KCNG3: variants seen among roughly 807,000 people sequenced by gnomAD.
KCNG3 encodes the protein potassium voltage-gated channel modifier subfamily G member 3, also known as voltage-gated potassium channel regulatory subunit KCNG3.
In KCNG3, 15 loss-of-function variants were observed where a neutral mutation model predicts 29.0. That is an observed-to-expected ratio of 0.52 (90% CI 0.35 to 0.80). The LOEUF (loss-of-function observed/expected upper bound fraction) is 0.80. KCNG3 is among the 30% of genes least tolerant of loss of function. The pLI is 0.01. For synonymous variants in KCNG3, 322 were observed against 248.9 expected (o/e 1.29, Z -2.76); for missense variants, 512 against 605.7 (o/e 0.85, Z 1.62).
At chr2:42,395,562 C>G in the KCNG3 span, among the ~76,000 whole-genome samples, 1 of 152,142 alleles carries the variant, frequency 6.6e-6, no homozygotes, top group Non-Finnish European at 1.5e-5. Context: ...GGACAATGTC[C>G]TTATTTATTG....
At chr2:42,408,247 G>A in the KCNG3 span, among the ~76,000 whole-genome samples, 1 of 152,194 alleles carries the variant, frequency 6.6e-6, no homozygotes, top group Admixed American at 6.5e-5. Context: ...GTAAGAGGGC[G>A]AGTCCCCGGT....
At chr2:42,455,307 A>G (rs1305092906) in intron 1 of KCNG3, among the ~76,000 whole-genome samples, 1 of 152,092 alleles carries the variant, frequency 6.6e-6, no homozygotes, top group Non-Finnish European at 1.5e-5. Flanking sequence ...GGTCAATGGA[A>G]AAACAAAAAC....
chr2:42,419,362 C>G, the KCNG3 span, among the ~76,000 whole-genome samples: 1 of 150,522 alleles, frequency 6.6e-6, no homozygotes, highest in African/African-American at 2.4e-5. Context: ...CTCAGCCTCC[C>G]AAGTAGCTGG....
At chr2:42,485,286 T>C (rs902732978) in intron 1 of KCNG3, among the ~76,000 whole-genome samples, 2 of 152,126 alleles carry the variant, frequency 1.3e-5, no homozygotes, top group Non-Finnish European at 2.9e-5. Context: ...ATAGCAAGAC[T>C]TTGCCTGCTA....
At chr2:42,457,850 G>C (rs1036183278) in intron 1 of KCNG3, among the ~76,000 whole-genome samples, 1 of 151,952 alleles carries the variant, frequency 6.6e-6, no homozygotes, top group Non-Finnish European at 1.5e-5. Flanking sequence ...GCCAGGTGTG[G>C]TGTCACGCAC....
the KCNG3 span, among the ~76,000 whole-genome samples, chr2:42,423,721 T>G: frequency 1.3e-5 from 2 of 151,256 alleles, no homozygotes; most frequent in African/African-American, 4.9e-5. Context: ...CTGGTCACTT[T>G]CCCCCAAGAG....
chr2:42,459,073 G>A (rs1447922194), intron 1 of KCNG3, among the ~76,000 whole-genome samples: 2 of 152,044 alleles, frequency 1.3e-5, no homozygotes, highest in African/African-American at 2.4e-5. Context: ...GCACACGCCT[G>A]TAATCCCAGA....
chr2:42,468,755 C>T (rs1668475700), intron 1 of KCNG3, among the ~76,000 whole-genome samples: 1 of 151,568 alleles, frequency 6.6e-6, no homozygotes, highest in African/African-American at 2.4e-5. Flanking sequence ...GAGTTCAAGA[C>T]CAACCTGGCC....
At chr2:42,419,604 G>C in the KCNG3 span, among the ~76,000 whole-genome samples, 7 of 152,072 alleles carry the variant, frequency 4.6e-5, no homozygotes, top group Admixed American at 3.3e-4. Context: ...TAAGGAAGTG[G>C]AAACTGAATC....
chr2:42,485,822 G>T (rs1282607121), intron 1 of KCNG3, among the ~76,000 whole-genome samples: 1 of 152,146 alleles, frequency 6.6e-6, no homozygotes, highest in Non-Finnish European at 1.5e-5. Flanking sequence ...CCTTGGAAGT[G>T]TCAGAATAAT....
chr2:42,477,386 T>TACACACACACAC (rs1198473558), intron 1 of KCNG3, among the ~76,000 whole-genome samples: 4 of 103,406 alleles, frequency 3.9e-5, no homozygotes, highest in African/African-American at 1.7e-4. Flanking sequence ...CACACATATA[T>TACACACACACAC]ATACACACAC....
chr2:42,412,072 C>G, the KCNG3 span, among the ~76,000 whole-genome samples: 3 of 152,194 alleles, frequency 2.0e-5, no homozygotes, highest in African/African-American at 7.2e-5. Flanking sequence ...GAACTGACTA[C>G]CCCTGGACTC....
intron 1 of KCNG3, among the ~76,000 whole-genome samples, chr2:42,448,734 A>T (rs1232359600): frequency 6.6e-6 from 1 of 152,198 alleles, no homozygotes; most frequent in African/African-American, 2.4e-5. Context: ...TCATGCCTGT[A>T]ATCCCAGCAC....
At chr2:42,490,311 C>G (rs1252352820) in intron 1 of KCNG3, among the ~76,000 whole-genome samples, 1 of 152,074 alleles carries the variant, frequency 6.6e-6, no homozygotes, top group Non-Finnish European at 1.5e-5. Context: ...CGCGGTGGCT[C>G]ACGCCTGTAG....
chr2:42,485,529 C>A (rs958703987), intron 1 of KCNG3, among the ~76,000 whole-genome samples: 5 of 151,968 alleles, frequency 3.3e-5, no homozygotes, highest in Non-Finnish European at 5.9e-5. Flanking sequence ...ACCGCAAGCT[C>A]TGCCTCCTGG....
intron 1 of KCNG3, among the ~76,000 whole-genome samples, chr2:42,456,950 GA>G (rs1444723287): frequency 6.6e-6 from 1 of 151,578 alleles, no homozygotes; most frequent in African/African-American, 2.4e-5. Flanking sequence ...TTTTTGAGAG[GA>G]AAAAAACATG....
In KCNG3 at chr2:42,454,353, C is replaced by T. The variant is rs562301924; in HGVS notation, c.666-9774G>A. ...ACTGACAATAGTTAAGATGTCGAAG[C>T]AACCTTAATGTCCACTGACAAAAGA... On this transcript the variant is annotated intron_variant, in intron 1 of 1. Transcript: ENST00000306078. 2.2e-3 allele frequency among the ~76,000 whole-genome samples: 334 copies of T among 152,296 alleles called. 3 individuals are homozygous for T. The highest frequency in any genetic ancestry group is 7.7e-3 in the African/African-American group (322 of 41,558).
intron 1 of KCNG3, among the ~76,000 whole-genome samples, chr2:42,451,288 T>C (rs944385899): frequency 3.9e-5 from 6 of 152,198 alleles, no homozygotes; most frequent in Admixed American, 2.0e-4. Flanking sequence ...ATAGCATTTT[T>C]TTGTGTGTGC....
At chr2:42,404,064 T>A in the KCNG3 span, among the ~76,000 whole-genome samples, 1 of 152,260 alleles carries the variant, frequency 6.6e-6, no homozygotes, top group Non-Finnish European at 1.5e-5. Context: ...TACCTTTTTT[T>A]CTGGGAAAAC....
Sources: gnomAD v4.1 joint callset for allele counts (sites outside exome capture counted in the v4.1 genomes callset) on GRCh38, gnomAD v4.1.1 for gene constraint, MANE v1.5 for transcripts, NCBI Gene and HGNC (gene_info 2026-07-23, HGNC 2026-07-21) for gene names.